SCLT1: variants seen among roughly 807,000 people sequenced by gnomAD.
The protein encoded by SCLT1 is sodium channel and clathrin linker 1.
Under a neutral mutation model 112.8 loss-of-function variants are expected in SCLT1, and 78 were observed. The ratio of observed to expected loss-of-function variants is 0.69; its 90% CI spans 0.58 to 0.83. The LOEUF is 0.83. Ranked by LOEUF, SCLT1 falls within the 40% of genes least tolerant of loss-of-function variation. SCLT1 has a pLI of 0.00. For missense variants in SCLT1, 747 were observed against 770.4 expected (o/e 0.97, Z 0.36); for synonymous variants, 257 against 254.7 (o/e 1.01, Z -0.09).
chr4:128,912,758 T>C (rs1342089154), intron 18 of SCLT1, among the ~76,000 whole-genome samples: 1 of 151,988 alleles, frequency 6.6e-6, no homozygotes, highest in Non-Finnish European at 1.5e-5. Flanking sequence ...TATATATATA[T>C]AAATAGAGAC....
At chr4:129,040,289 T>C in intron 4 of SCLT1, 1 of 678,178 alleles carries the variant, frequency 1.5e-6, no homozygotes, top group Non-Finnish European at 2.7e-6. Flanking sequence ...ACTGATACAG[T>C]GAGAGATAAA....
chr4:128,965,258 A>G lies in SCLT1; in HGVS notation c.838T>C (p.Leu280=). 6.2e-7 allele frequency: 1 copy of G among 1,605,588 alleles called. No homozygotes were observed. The highest frequency in any genetic ancestry group is 2.2e-5 in the East Asian group (1 of 44,748). Residue 280 remains leucine (L), a synonymous_variant, in exon 11 of 21, where the codon TTA becomes CTA. Transcript: ENST00000281142. ...EEASDRRLQQ[L]QSSIKQLEIR... ...TCTAATTGTTTTATACTAGACTGTA[A>G]CTGCTGTAAACGCCTATCTGATGCT...
chr4:128,917,566 G>A (rs1340315601), intron 18 of SCLT1, among the ~76,000 whole-genome samples: 2 of 152,024 alleles, frequency 1.3e-5, no homozygotes, highest in South Asian at 2.1e-4. Flanking sequence ...CCAAGTTCTC[G>A]ATTACTGTGC....
At chr4:129,004,673 C>T (rs1289338974) in intron 5 of SCLT1, among the ~76,000 whole-genome samples, 7 of 151,916 alleles carry the variant, frequency 4.6e-5, no homozygotes, top group African/African-American at 9.7e-5. Context: ...AAATAAACTA[C>T]ATCCATCTAC....
At chr4:129,046,496 TGTGA>T (rs749641133) in intron 2 of SCLT1, among the ~76,000 whole-genome samples, 4 of 152,152 alleles carry the variant, frequency 2.6e-5, no homozygotes, top group Non-Finnish European at 4.4e-5. Flanking sequence ...TTCTTACTGC[TGTGA>T]GTAATTTTGG....
intron 1 of SCLT1, among the ~76,000 whole-genome samples, chr4:129,092,594 C>T (rs1017624542): frequency 5.3e-5 from 8 of 152,206 alleles, no homozygotes; most frequent in African/African-American, 1.9e-4. Flanking sequence ...GTTGCTGTCA[C>T]TTCAATATAT....
In SCLT1 at chr4:129,034,811, C is replaced by T. The variant is rs543535193; in HGVS notation, c.290+4230G>A. Among the ~76,000 whole-genome samples the T allele has an allele frequency of 2.6e-5, 4 of 151,900 alleles. No individual in the cohort carries two copies. The East Asian group carries it at 7.7e-4, about 29-fold the overall frequency. ...AACTTCATAGTCACATAAAACAAAGCCATCAACAAGATTTAAATGACTAAG... is the reference window on the plus strand; with the variant it reads ...AACTTCATAGTCACATAAAACAAAGTCATCAACAAGATTTAAATGACTAAG... On this transcript the variant is annotated intron_variant, in intron 5 of 20. Transcript: ENST00000281142.
At chr4:129,053,478 A>G (rs1749022815) in intron 2 of SCLT1, among the ~76,000 whole-genome samples, 1 of 143,042 alleles carries the variant, frequency 7.0e-6, no homozygotes. Flanking sequence ...CTTTAACATT[A>G]TGTAATGCCC....
chr4:129,043,250 A>G, intron 4 of SCLT1, 145 bp downstream of exon 4: 1 of 615,534 alleles, frequency 1.6e-6, no homozygotes, highest in Non-Finnish European at 2.9e-6. Context: ...ATATACATTC[A>G]CACACATTTA....
intron 5 of SCLT1, among the ~76,000 whole-genome samples, chr4:129,033,421 T>C (rs1465196276): frequency 1.4e-5 from 2 of 140,200 alleles, no homozygotes; most frequent in Non-Finnish European, 3.0e-5. Flanking sequence ...GACGGGTTGA[T>C]AGGTGCAGCA....
chr4:129,049,032 G>A lies in SCLT1; in HGVS notation c.103-4981C>T, dbSNP rs549321702. Among the ~76,000 whole-genome samples, 844 of 152,028 alleles carry A rather than the reference G, an allele frequency of 5.6e-3. 16 individuals carry two copies. The highest frequency in any genetic ancestry group is 0.019 in the African/African-American group (794 of 41,456). ...TAGGAACACTTTGACACTGTTGGTG[G>A]GACTGTAAACTAGTTCAACCATTGT... On this transcript the variant is annotated intron_variant, in intron 2 of 20. Coordinates refer to ENST00000281142, the MANE Select transcript of SCLT1 (RefSeq NM_144643.4).
In SCLT1 at chr4:128,957,193, C is replaced by T. The variant is rs1739292471; in HGVS notation, c.1048-69G>A. ...AGTAAAGATAATAACAGGTGAAAAC[C>T]TATCCACTAGTCACTTCCTTATTCA... On this transcript the variant is annotated intron_variant, in intron 12 of 20. Coordinates refer to ENST00000281142, the MANE Select transcript of SCLT1 (RefSeq NM_144643.4). 4 of 852,582 alleles carry T rather than the reference C, an allele frequency of 4.7e-6. No individual in the cohort carries two copies. In the East Asian group the frequency reaches 8.0e-5, roughly 17 times the overall value. The allele number at this position is 852,582 out of a possible 1,614,324, so 52.8% of individuals were successfully genotyped here. A position where few individuals can be genotyped will look rare whatever the true frequency, so the allele number is the denominator to read the frequency against.
intron 18 of SCLT1, among the ~76,000 whole-genome samples, chr4:128,912,207 A>G (rs1201980838): frequency 6.6e-6 from 1 of 152,218 alleles, no homozygotes; most frequent in African/African-American, 2.4e-5. Flanking sequence ...ATTATTAATT[A>G]AAGACCTAAT....
intron 2 of SCLT1, among the ~76,000 whole-genome samples, chr4:129,053,011 G>A (rs1338313492): frequency 3.3e-5 from 5 of 152,142 alleles, no homozygotes; most frequent in African/African-American, 1.2e-4. Flanking sequence ...AGAGCAGGTT[G>A]TTCAGTTTCC....
In SCLT1 at chr4:129,082,246, A is replaced by C; in HGVS notation, c.102+60T>G. On this transcript the variant is annotated intron_variant, in intron 2 of 20. Transcript: ENST00000281142. The stretch of plus-strand genomic sequence containing the variant: ...GAATCAAAGTTGTAAGCCAAGTTTC[A>C]AAGTGCTGTAGGCAACTTCACATGA... 9.7e-6 allele frequency: 7 copies of C among 724,396 alleles called. No homozygotes were observed. In the South Asian group the frequency reaches 1.8e-4, roughly 19 times the overall value. The allele number at this position is 724,396 out of a possible 1,614,324, so 44.9% of individuals were successfully genotyped here.
chr4:128,891,487 CAAAATA>C (rs1733316582), intron 18 of SCLT1, among the ~76,000 whole-genome samples: 1 of 151,354 alleles, frequency 6.6e-6, no homozygotes, highest in Admixed American at 6.6e-5. Context: ...CTAAAAAAAG[CAAAATA>C]AAAATACATA....
intron 5 of SCLT1, among the ~76,000 whole-genome samples, chr4:129,016,707 C>G (rs1250754831): frequency 1.3e-5 from 2 of 152,166 alleles, no homozygotes; most frequent in African/African-American, 4.8e-5. Context: ...TTTTAAACCT[C>G]TCTCCATCTC....
At chr4:129,070,732 G>A (rs954613928) in intron 2 of SCLT1, among the ~76,000 whole-genome samples, 1 of 151,234 alleles carries the variant, frequency 6.6e-6, no homozygotes, top group Non-Finnish European at 1.5e-5. Flanking sequence ...TTATCTTTTG[G>A]GTTTTTTGTT....
At chr4:128,922,841 A>C (rs910332698) in intron 18 of SCLT1, among the ~76,000 whole-genome samples, 1 of 152,218 alleles carries the variant, frequency 6.6e-6, no homozygotes, top group Non-Finnish European at 1.5e-5. Flanking sequence ...ATACAACAGC[A>C]AATTGAACAT....
Sources: allele counts gnomAD v4.1 joint callset (sites outside exome capture counted in the v4.1 genomes callset), GRCh38; gene constraint gnomAD v4.1.1; transcripts MANE v1.5; gene names NCBI Gene and HGNC (gene_info 2026-07-23, HGNC 2026-07-21).